The following NKAIN2 variants were observed in gnomAD, a reference collection of about 807,000 sequenced individuals.
NKAIN2 encodes sodium/potassium-transporting ATPase subunit beta-1-interacting protein 2.
Under a neutral mutation model 32.6 loss-of-function variants are expected in NKAIN2, and 14 were observed. That is an observed-to-expected ratio of 0.43 (90% CI 0.28 to 0.67). The LOEUF (loss-of-function observed/expected upper bound fraction) is 0.67. Among genes scored for constraint, NKAIN2 ranks in the 30% least tolerant of loss-of-function variants. NKAIN2 has a pLI of 0.17. For missense variants in NKAIN2, 198 were observed against 258.3 expected (o/e 0.77, Z 1.60); for synonymous variants, 80 against 87.2 (o/e 0.92, Z 0.46).
At chr6:124,760,728 G>GA (rs750367551) in intron 4 of NKAIN2, among the ~76,000 whole-genome samples, 107 of 152,184 alleles carry the variant, frequency 7.0e-4, no homozygotes, top group Non-Finnish European at 2.5e-4. Context: ...CACTGCTTGG[G>GA]AAAATCTTAG....
intron 3 of NKAIN2, among the ~76,000 whole-genome samples, chr6:124,418,938 T>C (rs1269667538): frequency 2.0e-5 from 3 of 152,146 alleles, no homozygotes; most frequent in Non-Finnish European, 4.4e-5. Flanking sequence ...TACATCTTTC[T>C]TACATGCTTT....
chr6:124,228,322 TACA>T (rs997211629), intron 1 of NKAIN2, among the ~76,000 whole-genome samples: 2 of 152,144 alleles, frequency 1.3e-5, no homozygotes, highest in Non-Finnish European at 2.9e-5. Flanking sequence ...CATATGAGTA[TACA>T]ACAAGAAGTC....
chr6:124,329,511 T>C (rs1263788246), intron 2 of NKAIN2, among the ~76,000 whole-genome samples: 2 of 152,182 alleles, frequency 1.3e-5, no homozygotes, highest in Non-Finnish European at 2.9e-5. Flanking sequence ...AGAGCCTAAT[T>C]TGTGGAAATG....
At chr6:124,350,772 A>G (rs1384176117) in intron 2 of NKAIN2, among the ~76,000 whole-genome samples, 1 of 152,244 alleles carries the variant, frequency 6.6e-6, no homozygotes. Flanking sequence ...TTACTCTGGA[A>G]AAAAGAGGAT....
chr6:123,885,522 A>T (rs1227264436), intron 1 of NKAIN2, among the ~76,000 whole-genome samples: 1 of 152,134 alleles, frequency 6.6e-6, no homozygotes, highest in African/African-American at 2.4e-5. Context: ...AATAGTTCAT[A>T]TTTAGCTTGA....
At chr6:124,386,873 T>C (rs993246459) in intron 3 of NKAIN2, among the ~76,000 whole-genome samples, 2 of 152,170 alleles carry the variant, frequency 1.3e-5, no homozygotes, top group Non-Finnish European at 2.9e-5. Context: ...CCTAAACCTT[T>C]TGTAACACAT....
intron 1 of NKAIN2, among the ~76,000 whole-genome samples, chr6:123,825,071 A>G (rs1360234248): frequency 6.6e-6 from 1 of 152,172 alleles, no homozygotes; most frequent in African/African-American, 2.4e-5. Flanking sequence ...TTTCTAGTTC[A>G]TAAATGTGGG....
chr6:124,800,376 A>G (rs1780196289), intron 5 of NKAIN2, among the ~76,000 whole-genome samples: 1 of 152,204 alleles, frequency 6.6e-6, no homozygotes, highest in Non-Finnish European at 1.5e-5. Flanking sequence ...AGCCTTGGAA[A>G]TAAGTGAGCT....
At chr6:124,231,888 T>G (rs1474841860) in intron 1 of NKAIN2, among the ~76,000 whole-genome samples, 1 of 151,834 alleles carries the variant, frequency 6.6e-6, no homozygotes, top group East Asian at 1.9e-4. Context: ...CACATATAAG[T>G]ATATATCTAA....
At chr6:124,603,528 T>A (rs1309012669) in intron 3 of NKAIN2, among the ~76,000 whole-genome samples, 1 of 151,902 alleles carries the variant, frequency 6.6e-6, no homozygotes, top group Non-Finnish European at 1.5e-5. Flanking sequence ...ATTTAACTCT[T>A]TTTCTTTGTC....
chr6:124,232,793 A>G lies in NKAIN2; in HGVS notation c.55-50212A>G, dbSNP rs1233347731. 2.0e-5 allele frequency among the ~76,000 whole-genome samples: 3 copies of G among 152,162 alleles called. No homozygotes were observed. The East Asian group carries it at 5.8e-4, about 29-fold the overall frequency. On this transcript the variant is annotated intron_variant, in intron 1 of 6. Transcript: ENST00000368417. ...TTGGTTTGAGGGGATTTGGACAACT[A>G]TTTTCCAGTATATTCTGTTACTCAC...
chr6:124,549,469 T>C (rs1460975467), intron 3 of NKAIN2, among the ~76,000 whole-genome samples: 1 of 152,228 alleles, frequency 6.6e-6, no homozygotes, highest in Non-Finnish European at 1.5e-5. Context: ...ATATTCCTTT[T>C]GCCCATCTTC....
chr6:124,697,686 TTG>T (rs1280596729), intron 4 of NKAIN2, among the ~76,000 whole-genome samples: 4 of 152,208 alleles, frequency 2.6e-5, no homozygotes, highest in African/African-American at 9.6e-5. Flanking sequence ...CCAGTCTATA[TTG>T]TTTCTGTTTC....
At chr6:124,296,962 T>TAAGA (rs1404758777) in intron 2 of NKAIN2, among the ~76,000 whole-genome samples, 2 of 152,192 alleles carry the variant, frequency 1.3e-5, no homozygotes, top group Non-Finnish European at 2.9e-5. Flanking sequence ...AAACCAGCAC[T>TAAGA]AAGACACTGA....
Position 123,804,029 on chromosome 6 carries a change from C to A in NKAIN2, c.-172C>A. The A allele has an allele frequency of 1.5e-6, 1 of 660,758 alleles. No homozygotes were observed. The highest frequency in any genetic ancestry group is 2.7e-6 in the Non-Finnish European group (1 of 372,036). The allele number at this position is 660,758 out of a possible 1,614,324, so 40.9% of individuals were successfully genotyped here. On this transcript the variant is annotated 5_prime_UTR_variant, in exon 1 of 7. Coordinates refer to ENST00000368417, the MANE Select transcript of NKAIN2 (RefSeq NM_001040214.3). ...AGCTGCCGCCGCCGCCGCCGCCGCG[C>A]CAGCAGGTCCTAATGCCTGTCACTT...
intron 1 of NKAIN2, among the ~76,000 whole-genome samples, chr6:123,874,543 A>C (rs1773072763): frequency 6.6e-6 from 1 of 152,156 alleles, no homozygotes; most frequent in South Asian, 2.1e-4. Flanking sequence ...AAAGAGCTTG[A>C]AGGAGCTTAT....
At chr6:124,385,998 T>A (rs551072300) in intron 3 of NKAIN2, among the ~76,000 whole-genome samples, 1 of 152,174 alleles carries the variant, frequency 6.6e-6, no homozygotes, top group African/African-American at 2.4e-5. Flanking sequence ...TCTAAAGAAC[T>A]GGGGGTCCTG....
At chr6:123,927,437 A>G (rs1197622994) in intron 1 of NKAIN2, among the ~76,000 whole-genome samples, 1 of 152,228 alleles carries the variant, frequency 6.6e-6, no homozygotes, top group African/African-American at 2.4e-5. Flanking sequence ...TTCTGTAGAT[A>G]TACTGCTTAT....
chr6:123,911,964 T>TTTATGGTCCAAATTA (rs1297309859), intron 1 of NKAIN2, among the ~76,000 whole-genome samples: 3 of 151,146 alleles, frequency 2.0e-5, no homozygotes, highest in African/African-American at 7.3e-5. Flanking sequence ...TGGACTAAAG[T>TTTATGGTCCAAATTA]TTATGGTCCA....
Sources: allele counts gnomAD v4.1 joint callset (sites outside exome capture counted in the v4.1 genomes callset), GRCh38; gene constraint gnomAD v4.1.1; transcripts MANE v1.5; gene names NCBI Gene and HGNC (gene_info 2026-07-23, HGNC 2026-07-21).